The following MDGA2 variants were observed in gnomAD, a reference collection of about 807,000 sequenced individuals.
The protein encoded by MDGA2 is MAM domain containing glycosylphosphatidylinositol anchor 2.
MDGA2 carries 40 observed loss-of-function variants against 117.8 expected under a neutral mutation model. The observed-to-expected ratio is 0.34, with a 90% confidence interval of 0.26 to 0.44. MDGA2 has a LOEUF of 0.44. MDGA2 is among the 20% of genes least tolerant of loss of function. MDGA2 has a pLI of 1.00. For missense variants in MDGA2, 1,123 were observed against 1,250.6 expected (o/e 0.90, Z 1.54); for synonymous variants, 452 against 439.0 (o/e 1.03, Z -0.37).
At chr14:47,249,939 C>A (rs1275291120) in intron 2 of MDGA2, among the ~76,000 whole-genome samples, 1 of 152,134 alleles carries the variant, frequency 6.6e-6, no homozygotes, top group African/African-American at 2.4e-5. Context: ...AGGAAACAGA[C>A]CCTCACACTA....
chr14:47,617,394 A>G (rs1950382), intron 1 of MDGA2, among the ~76,000 whole-genome samples: 65,076 of 151,634 alleles, frequency 0.43, 14,353 homozygotes, highest in Middle Eastern at 0.51. Context: ...TAGTAGAGAC[A>G]GGGTTCACCA....
At chr14:47,628,057 T>A (rs1379866127) in intron 1 of MDGA2, among the ~76,000 whole-genome samples, 2 of 151,996 alleles carry the variant, frequency 1.3e-5, no homozygotes, top group Non-Finnish European at 2.9e-5. Flanking sequence ...AGTTTTGGGG[T>A]TTTGGTGGGG....
chr14:47,495,391 C>CT (rs1894260370), intron 1 of MDGA2, among the ~76,000 whole-genome samples: 1 of 151,452 alleles, frequency 6.6e-6, no homozygotes, highest in Admixed American at 6.6e-5. Flanking sequence ...CACAACTCCA[C>CT]TTGTATCCCT....
intron 3 of MDGA2, among the ~76,000 whole-genome samples, chr14:47,192,752 T>C (rs1885161228): frequency 6.6e-6 from 1 of 152,214 alleles, no homozygotes; most frequent in Non-Finnish European, 1.5e-5. Context: ...TTATACAAAA[T>C]TATTACTTTA....
At chr14:47,369,019 T>C (rs1366507828) in intron 1 of MDGA2, among the ~76,000 whole-genome samples, 1 of 152,070 alleles carries the variant, frequency 6.6e-6, no homozygotes, top group Non-Finnish European at 1.5e-5. Flanking sequence ...ACTACAAAAA[T>C]TACAAAATAA....
At chr14:46,879,854 G>T (rs1182418111) in intron 11 of MDGA2, among the ~76,000 whole-genome samples, 4 of 152,090 alleles carry the variant, frequency 2.6e-5, no homozygotes, top group Non-Finnish European at 5.9e-5. Context: ...AAAACTGTAA[G>T]TACAAACAAC....
intron 1 of MDGA2, among the ~76,000 whole-genome samples, chr14:47,392,344 A>C (rs1018559812): frequency 2.6e-5 from 4 of 152,154 alleles, no homozygotes; most frequent in African/African-American, 9.7e-5. Context: ...GCCATAGTAC[A>C]TTGAAATAAA....
intron 1 of MDGA2, among the ~76,000 whole-genome samples, chr14:47,532,758 A>G (rs1029520039): frequency 8.5e-5 from 13 of 152,054 alleles, no homozygotes; most frequent in South Asian, 4.1e-4. Flanking sequence ...ACTAATCCAA[A>G]GTCATTTTTT....
At chr14:47,481,602 A>T (rs1025060367) in intron 1 of MDGA2, among the ~76,000 whole-genome samples, 4 of 152,030 alleles carry the variant, frequency 2.6e-5, no homozygotes, top group Non-Finnish European at 4.4e-5. Context: ...ACAATCACTT[A>T]TCAGTGACCA....
At chr14:47,068,365 T>G (rs2138823703) in intron 6 of MDGA2, among the ~76,000 whole-genome samples, 1 of 148,532 alleles carries the variant, frequency 6.7e-6, no homozygotes, top group South Asian at 2.1e-4. Flanking sequence ...TTATTATCAT[T>G]ATTATTTTGC....
intron 1 of MDGA2, among the ~76,000 whole-genome samples, chr14:47,607,620 AGGGCAGGG>A (rs1215684916): frequency 6.6e-6 from 1 of 152,126 alleles, no homozygotes; most frequent in Non-Finnish European, 1.5e-5. Flanking sequence ...GAGGGCATAG[AGGGCAGGG>A]GGTTAGAGGG....
At chr14:47,266,177 C>T (rs577552926) in intron 2 of MDGA2, among the ~76,000 whole-genome samples, 2 of 152,238 alleles carry the variant, frequency 1.3e-5, no homozygotes, top group African/African-American at 4.8e-5. Context: ...GGAACCCAAA[C>T]CCAGGTCTGC....
chr14:47,235,684 G>A (rs1886835155), intron 2 of MDGA2, among the ~76,000 whole-genome samples: 1 of 152,168 alleles, frequency 6.6e-6, no homozygotes, highest in East Asian at 1.9e-4. Context: ...TGTTGTTCGT[G>A]ATATGCCTTT....
intron 3 of MDGA2, among the ~76,000 whole-genome samples, chr14:47,156,805 A>G (rs953400974): frequency 2.0e-5 from 3 of 152,228 alleles, no homozygotes; most frequent in Non-Finnish European, 4.4e-5. Flanking sequence ...TTCCTTAAGG[A>G]AAATAATTGC....
At chr14:47,047,524 T>C (rs1321955350) in intron 7 of MDGA2, among the ~76,000 whole-genome samples, 1 of 152,100 alleles carries the variant, frequency 6.6e-6, no homozygotes, top group Non-Finnish European at 1.5e-5. Flanking sequence ...CTTGGGAAAG[T>C]AGGCAAGTCT....
chr14:47,423,036 A>T (rs1383905037), intron 1 of MDGA2, among the ~76,000 whole-genome samples: 1 of 152,130 alleles, frequency 6.6e-6, no homozygotes, highest in East Asian at 1.9e-4. Context: ...TTTCTCTTCT[A>T]TGTATGTGGA....
intron 6 of MDGA2, among the ~76,000 whole-genome samples, chr14:47,068,492 G>A (rs1385755873): frequency 1.3e-5 from 2 of 150,856 alleles, no homozygotes; most frequent in African/African-American, 4.9e-5. Flanking sequence ...TTTACATGTG[G>A]CTACCATGTA....
Position 46,841,926 on chromosome 14 carries a change from TA to T in MDGA2, c.*4del. Reference sequence around the variant, plus strand: ...GAATCTTTTATAGCCTCTGCCAGGATAAGGTCACCTTCGAGGACTTAAGATA... The same window carrying T: ...GAATCTTTTATAGCCTCTGCCAGGATAGGTCACCTTCGAGGACTTAAGATA... On this transcript the variant is annotated 3_prime_UTR_variant, in exon 17 of 17. Coordinates refer to ENST00000399232, the MANE Select transcript of MDGA2 (RefSeq NM_001113498.3). The T allele has an allele frequency of 6.3e-7, 1 of 1,596,698 alleles. No individual in the cohort carries two copies. Among genetic ancestry groups the T allele is most frequent in the Non-Finnish European group, 8.6e-7 (1 of 1,167,184 alleles).
rs534888918 is a variant in MDGA2, at chr14:46,899,116, C to A, written c.2239-16895G>T. 3.0e-3 allele frequency among the ~76,000 whole-genome samples: 451 copies of A among 151,990 alleles called. 1 individual carries two copies. The highest frequency in any genetic ancestry group is 4.7e-3 in the Non-Finnish European group (318 of 67,884). On this transcript the variant is annotated intron_variant, in intron 10 of 16. Coordinates refer to ENST00000399232, the MANE Select transcript of MDGA2 (RefSeq NM_001113498.3). ...CATATGATATTTTACTTTTTCTCTC[C>A]CACACCACATCATTTTTATAAGTCA...
Sources: gnomAD v4.1 joint callset for allele counts (sites outside exome capture counted in the v4.1 genomes callset) on GRCh38, gnomAD v4.1.1 for gene constraint, MANE v1.5 for transcripts, NCBI Gene and HGNC (gene_info 2026-07-23, HGNC 2026-07-21) for gene names.